Variants in LRRC37A2 observed in about 807,000 individuals in gnomAD.
The protein encoded by LRRC37A2 is leucine rich repeat containing 37 member A2, also known as leucine-rich repeat-containing protein 37A2.
LRRC37A2 carries 9 observed loss-of-function variants against 68.8 expected under a neutral mutation model. That is an observed-to-expected ratio of 0.13 (90% CI 0.08 to 0.23). The LOEUF is 0.23. LRRC37A2 is among the 10% of genes least tolerant of loss of function. The probability of loss-of-function intolerance (pLI) is 1.00; values close to 1 mark genes in which losing one functional copy is unlikely to be tolerated. For missense variants in LRRC37A2, 168 were observed against 950.4 expected, an observed-to-expected ratio of 0.18 and a Z score of 10.82; for synonymous variants, 63 against 367.6, an observed-to-expected ratio of 0.17 and a Z score of 9.48.
At chr17:46,964,839 G>GAA in the LRRC37A2 span, 1 of 152,148 alleles carries the variant, frequency 6.6e-6, no homozygotes, top group Non-Finnish European at 1.5e-5. Context: ...GACAAGAAAA[G>GAA]AAAAAAGGAG....
At chr17:46,988,256 T>C in the LRRC37A2 span, among the ~76,000 whole-genome samples, 1 of 152,290 alleles carries the variant, frequency 6.6e-6, no homozygotes, top group African/African-American at 2.4e-5. Flanking sequence ...TATGATTCCA[T>C]TTGTATGAAA....
the LRRC37A2 span, among the ~76,000 whole-genome samples, chr17:46,823,104 AAC>A: frequency 2.3e-5 from 3 of 129,590 alleles, no homozygotes; most frequent in Non-Finnish European, 4.7e-5. Flanking sequence ...TTATATAATA[AAC>A]ACATATATTA....
chr17:46,640,006 T>C, the LRRC37A2 span: 2 of 58,314 alleles, frequency 3.4e-5, no homozygotes, highest in South Asian at 9.1e-5. Context: ...AGGATCAAAC[T>C]ATTATATTAT....
the LRRC37A2 span, among the ~76,000 whole-genome samples, chr17:46,491,149 A>G: frequency 1.3e-5 from 2 of 151,074 alleles, no homozygotes; most frequent in African/African-American, 4.9e-5. Context: ...CGCCCGCCTC[A>G]GCTTCCCAAA....
At chr17:46,775,033 G>T in the LRRC37A2 span, among the ~76,000 whole-genome samples, 1 of 152,194 alleles carries the variant, frequency 6.6e-6, no homozygotes, top group Non-Finnish European at 1.5e-5. Context: ...ATGGGCAAAA[G>T]CCTCGGAAAG....
At chr17:46,953,611 A>G in the LRRC37A2 span, among the ~76,000 whole-genome samples, 2 of 152,200 alleles carry the variant, frequency 1.3e-5, no homozygotes, top group African/African-American at 4.8e-5. Flanking sequence ...TAGATCCCTG[A>G]GGAATCGCCA....
At chr17:46,890,077 G>A in the LRRC37A2 span, among the ~76,000 whole-genome samples, 1 of 152,104 alleles carries the variant, frequency 6.6e-6, no homozygotes, top group Non-Finnish European at 1.5e-5. Context: ...CACCCCTGAG[G>A]CCCTGCCTCA....
At chr17:47,028,166 A>T in the LRRC37A2 span, 1 of 758,760 alleles carries the variant, frequency 1.3e-6, no homozygotes, top group South Asian at 1.6e-5. Flanking sequence ...TCCTTAGTGC[A>T]TAGAGAAAGG....
the LRRC37A2 span, among the ~76,000 whole-genome samples, chr17:46,980,814 C>A: frequency 2.0e-5 from 3 of 151,602 alleles, no homozygotes; most frequent in Admixed American, 2.0e-4. Context: ...GCCTGGGTGA[C>A]AGAGCGAGAC....
chr17:46,914,321 G>A, the LRRC37A2 span, among the ~76,000 whole-genome samples: 2 of 151,978 alleles, frequency 1.3e-5, no homozygotes, highest in African/African-American at 4.8e-5. Flanking sequence ...AGAGTAGGGG[G>A]GCCACTAATA....
At chr17:47,047,634 G>A in the LRRC37A2 span, among the ~76,000 whole-genome samples, 2 of 151,834 alleles carry the variant, frequency 1.3e-5, no homozygotes, top group Non-Finnish European at 2.9e-5. Context: ...AATTCATGAG[G>A]TCTCAAGTAC....
At chr17:46,941,062 C>A in the LRRC37A2 span, 85 of 1,079,358 alleles carry the variant, frequency 7.9e-5, no homozygotes, top group Non-Finnish European at 9.6e-5. Flanking sequence ...CGGTAGCCAG[C>A]CTCTGTGACC....
the LRRC37A2 span, chr17:46,713,885 G>T: frequency 6.2e-7 from 1 of 1,611,980 alleles, no homozygotes; most frequent in Non-Finnish European, 8.5e-7. Flanking sequence ...TGCTTTAGCT[G>T]CAAAAATTGC....
chr17:47,002,541 C>T, the LRRC37A2 span, among the ~76,000 whole-genome samples: 1 of 152,040 alleles, frequency 6.6e-6, no homozygotes, highest in Admixed American at 6.5e-5. Flanking sequence ...CAGGCACGTG[C>T]CACTAGGCCC....
chr17:46,853,389 T>A, the LRRC37A2 span, among the ~76,000 whole-genome samples: 181 of 146,482 alleles, frequency 1.2e-3, no homozygotes, highest in African/African-American at 4.5e-3. Context: ...TTTTTTTTTT[T>A]AAGACGGAGT....
At chr17:46,935,163 C>T in the LRRC37A2 span, 11 of 1,614,062 alleles carry the variant, frequency 6.8e-6, no homozygotes, top group South Asian at 1.2e-4. Flanking sequence ...AGAGACTGAC[C>T]TTGAAGGTGG....
intron 8 of LRRC37A2, among the ~76,000 whole-genome samples, chr17:46,543,448 A>T (rs1865646511): frequency 6.6e-6 from 1 of 150,994 alleles, no homozygotes; most frequent in African/African-American, 2.5e-5. Flanking sequence ...TTGGATTGTG[A>T]ATTTTTTAAG....
At chr17:46,409,336 A>G in the LRRC37A2 span, among the ~76,000 whole-genome samples, 2 of 141,150 alleles carry the variant, frequency 1.4e-5, no homozygotes, top group Admixed American at 7.1e-5. Context: ...TCGTTCTGAG[A>G]CCCAGGCTGG....
At chr17:46,751,675 AGGGTT>A in the LRRC37A2 span, 1 of 994,762 alleles carries the variant, frequency 1.0e-6, no homozygotes, top group Non-Finnish European at 1.5e-6. Flanking sequence ...ACACACCAAG[AGGGTT>A]CAGTATTTCC....
Sources: allele counts gnomAD v4.1 joint callset (sites outside exome capture counted in the v4.1 genomes callset), GRCh38; gene constraint gnomAD v4.1.1; transcripts MANE v1.5; gene names NCBI Gene and HGNC (gene_info 2026-07-23, HGNC 2026-07-21).